The following WDR27 variants were observed in gnomAD, a reference collection of about 807,000 sequenced individuals.
WDR27 encodes the protein WD repeat domain 27.
In WDR27, 100 loss-of-function variants were observed where a neutral mutation model predicts 114.4. The ratio of observed to expected loss-of-function variants is 0.87; its 90% CI spans 0.74 to 1.03. WDR27 has a LOEUF of 1.03. WDR27 is among the 50% of genes least tolerant of loss of function. The pLI is 0.00. For synonymous variants in WDR27, 449 were observed against 423.1 expected (o/e 1.06, Z -0.75); for missense variants, 1,129 against 1,092.9 (o/e 1.03, Z -0.47).
intron 21 of WDR27, among the ~76,000 whole-genome samples, chr6:169,624,369 C>A (rs921899285): frequency 6.6e-6 from 1 of 152,186 alleles, no homozygotes; most frequent in Non-Finnish European, 1.5e-5. Context: ...CCCACGAGAA[C>A]CTTCCAGGTG....
intron 2 of WDR27, among the ~76,000 whole-genome samples, chr6:169,687,069 G>A (rs952862850): frequency 1.3e-5 from 2 of 151,992 alleles, no homozygotes; most frequent in South Asian, 2.1e-4. Flanking sequence ...TGGTATTCAA[G>A]AGTACAGTAG....
intron 25 of WDR27, among the ~76,000 whole-genome samples, chr6:169,471,862 T>C (rs563196408): frequency 6.6e-6 from 1 of 152,320 alleles, no homozygotes; most frequent in South Asian, 2.1e-4. Flanking sequence ...CCAGCAGATT[T>C]GGTGTCTGGT....
At chr6:169,611,668 G>A (rs1300808241) in intron 22 of WDR27, among the ~76,000 whole-genome samples, 1 of 152,008 alleles carries the variant, frequency 6.6e-6, no homozygotes, top group African/African-American at 2.4e-5. Context: ...TCTATTTTGA[G>A]CTTTTTCTTA....
chr6:169,557,957 C>A (rs146135978), intron 25 of WDR27, among the ~76,000 whole-genome samples: 290 of 152,054 alleles, frequency 1.9e-3, no homozygotes, highest in African/African-American at 6.4e-3. Flanking sequence ...TTTTTTATAG[C>A]AGCCTAAGTG....
downstream of WDR27, among the ~76,000 whole-genome samples, chr6:169,453,494 A>C: frequency 6.6e-6 from 1 of 152,050 alleles, no homozygotes; most frequent in Non-Finnish European, 1.5e-5. Context: ...CTCAGCCTCC[A>C]TCTCTGGGAG....
chr6:169,458,924 A>G (rs1480231018), intron 25 of WDR27, among the ~76,000 whole-genome samples: 3 of 152,202 alleles, frequency 2.0e-5, no homozygotes, highest in Admixed American at 1.3e-4. Flanking sequence ...TCAAGCTACA[A>G]CAATCAAAAT....
In WDR27 at chr6:169,643,690, G is replaced by A. The variant is rs773727663; in HGVS notation, c.1747+7C>T. ...TTCATACTGACTGAAATTAAGACAT[G>A]TTTTACCTGAAAACACAGCAGGTGT... On this transcript the variant is annotated splice_region_variant and intron_variant, in intron 17 of 25. Transcript: ENST00000448612. 6 of 1,612,338 alleles carry A rather than the reference G, an allele frequency of 3.7e-6. No homozygotes were observed. The highest frequency in any genetic ancestry group is 5.1e-6 in the Non-Finnish European group (6 of 1,178,952).
At chr6:169,580,748 T>C (rs1277412864) in intron 24 of WDR27, among the ~76,000 whole-genome samples, 2 of 152,002 alleles carry the variant, frequency 1.3e-5, no homozygotes, top group Admixed American at 6.6e-5. Flanking sequence ...TTTAATACTA[T>C]GTATGAAAAT....
intron 25 of WDR27, among the ~76,000 whole-genome samples, chr6:169,504,553 C>A (rs1266139891): frequency 6.6e-6 from 1 of 152,146 alleles, no homozygotes; most frequent in African/African-American, 2.4e-5. Context: ...TATAAATTAC[C>A]CAGTCTCAGG....
At chr6:169,461,739 TAGC>T in intron 25 of WDR27, among the ~76,000 whole-genome samples, 1 of 148,712 alleles carries the variant, frequency 6.7e-6, no homozygotes, top group Admixed American at 6.7e-5. Context: ...ATCACAAAGC[TAGC>T]AGAGGAAGTA....
At chr6:169,679,067 TCAAC>T (rs1780802273) in intron 2 of WDR27, among the ~76,000 whole-genome samples, 1 of 149,940 alleles carries the variant, frequency 6.7e-6, no homozygotes, top group African/African-American at 2.5e-5. Flanking sequence ...TTAGATAAAC[TCAAC>T]CAACTGTCAA....
intron 21 of WDR27, among the ~76,000 whole-genome samples, chr6:169,616,099 TAAAAG>T (rs1441710200): frequency 1.3e-5 from 2 of 151,726 alleles, no homozygotes; most frequent in Admixed American, 6.6e-5. Flanking sequence ...AAAAAAATGA[TAAAAG>T]AAATAACTGC....
chr6:169,681,886 G>C (rs1781610822), intron 2 of WDR27, among the ~76,000 whole-genome samples: 1 of 152,090 alleles, frequency 6.6e-6, no homozygotes, highest in Non-Finnish European at 1.5e-5. Context: ...TCTGTGCTGA[G>C]ACCTGCTAGG....
At chr6:169,556,365 C>A (rs552297330) in intron 25 of WDR27, among the ~76,000 whole-genome samples, 41 of 152,178 alleles carry the variant, frequency 2.7e-4, no homozygotes, top group Non-Finnish European at 4.7e-4. Context: ...CCTAGTGAGA[C>A]CCTGGGCAGA....
chr6:169,535,240 C>A (rs1330286311), intron 25 of WDR27, among the ~76,000 whole-genome samples: 1 of 152,140 alleles, frequency 6.6e-6, no homozygotes, highest in African/African-American at 2.4e-5. Flanking sequence ...GAGTAAACAA[C>A]TACATTTAGA....
intron 21 of WDR27, among the ~76,000 whole-genome samples, chr6:169,615,094 A>T (rs940587567): frequency 6.6e-6 from 1 of 152,246 alleles, no homozygotes; most frequent in African/African-American, 2.4e-5. Context: ...AAAGCGAAGA[A>T]ATAAAAAATG....
At chr6:169,510,489 G>A (rs1792670920) in intron 25 of WDR27, among the ~76,000 whole-genome samples, 1 of 152,072 alleles carries the variant, frequency 6.6e-6, no homozygotes, top group Non-Finnish European at 1.5e-5. Flanking sequence ...TAGGGACATG[G>A]ATGAAGCTGG....
intron 14 of WDR27, among the ~76,000 whole-genome samples, chr6:169,649,941 G>A (rs1436023519): frequency 2.8e-5 from 3 of 108,540 alleles, no homozygotes; most frequent in Admixed American, 1.0e-4. Flanking sequence ...CCTCACCTCC[G>A]CATCCCTCCA....
chr6:169,559,557 G>A (rs1233274444), intron 25 of WDR27: 3 of 152,182 alleles, frequency 2.0e-5, no homozygotes, highest in Non-Finnish European at 4.4e-5. Flanking sequence ...GCCTCTCACA[G>A]AAATAAGAAA....
Sources: allele counts gnomAD v4.1 joint callset (sites outside exome capture counted in the v4.1 genomes callset), GRCh38; gene constraint gnomAD v4.1.1; transcripts MANE v1.5; gene names NCBI Gene and HGNC (gene_info 2026-07-23, HGNC 2026-07-21).